Variants in NT5M observed in about 807,000 individuals in gnomAD.
NT5M encodes 5'(3')-deoxyribonucleotidase, mitochondrial.
NT5M carries 22 observed loss-of-function variants against 22.2 expected under a neutral mutation model. The ratio of observed to expected loss-of-function variants is 0.99; its 90% CI spans 0.71 to 1.41. The LOEUF (loss-of-function observed/expected upper bound fraction) is 1.41, where lower values mean the gene tolerates loss of function less well. Among genes scored for constraint, NT5M ranks in the 40% most tolerant of loss-of-function variants. The pLI is 0.00. For synonymous variants in NT5M, 167 were observed against 133.0 expected, an observed-to-expected ratio of 1.26 and a Z score of -1.76; for missense variants, 322 against 314.8, an observed-to-expected ratio of 1.02 and a Z score of -0.17.
chr17:17,336,202 C>G (rs2049507856), intron 3 of NT5M, among the ~76,000 whole-genome samples: 1 of 151,580 alleles, frequency 6.6e-6, no homozygotes, highest in Admixed American at 6.6e-5. Context: ...CAGGGTTTCA[C>G]CGTGTTAGCC....
intron 2 of NT5M, among the ~76,000 whole-genome samples, chr17:17,307,352 G>A (rs1597739709): frequency 1.3e-5 from 2 of 152,120 alleles, no homozygotes; most frequent in South Asian, 4.1e-4. Context: ...GGCCGGGCAC[G>A]GTGGCTCACG....
intron 3 of NT5M, chr17:17,333,593 G>A (rs2049432408): frequency 6.6e-6 from 1 of 152,050 alleles, no homozygotes; most frequent in Non-Finnish European, 1.5e-5. Context: ...TTACAGGTGA[G>A]TTTTCTCAAC....
intron 2 of NT5M, among the ~76,000 whole-genome samples, chr17:17,311,107 C>T (rs968696648): frequency 7.2e-5 from 11 of 152,190 alleles, no homozygotes; most frequent in African/African-American, 1.2e-4. Flanking sequence ...GAGGCCGAGG[C>T]GGGTGGATCA....
chr17:17,311,006 A>G (rs142326365), intron 2 of NT5M, among the ~76,000 whole-genome samples: 1,696 of 152,156 alleles, frequency 0.011, 33 homozygotes, highest in African/African-American at 0.039. Flanking sequence ...TAAAAATACA[A>G]AAAATACAAA....
Position 17,303,410 on chromosome 17 carries a change from T to C in NT5M, c.-141T>C, listed in dbSNP as rs1045607762. ...GTACTTGCGCGCCCGCACCCCGCGCTCCCCGCCCCGCTCCCCGTCCCGCGC... is the reference window on the plus strand; with the variant it reads ...GTACTTGCGCGCCCGCACCCCGCGCCCCCCGCCCCGCTCCCCGTCCCGCGC... On this transcript the variant is annotated 5_prime_UTR_variant, in exon 1 of 5. Transcript: ENST00000389022. 4 of 964,666 alleles carry C rather than the reference T, an allele frequency of 4.1e-6. No homozygotes were observed. Among genetic ancestry groups the C allele is most frequent in the Non-Finnish European group, 4.9e-6 (4 of 809,012 alleles). 59.8% of individuals were successfully genotyped at this position (964,666 alleles called of 1,614,324 possible). A position where few individuals can be genotyped will look rare whatever the true frequency, so the allele number is the denominator to read the frequency against.
At chr17:17,326,287 G>T (rs149287433) in intron 3 of NT5M, among the ~76,000 whole-genome samples, 57 of 152,328 alleles carry the variant, frequency 3.7e-4, no homozygotes, top group African/African-American at 1.3e-3. Context: ...CAGGTCTGAC[G>T]CTTGGCCAGC....
intron 2 of NT5M, among the ~76,000 whole-genome samples, chr17:17,311,211 G>A (rs1040920627): frequency 5.3e-5 from 8 of 151,934 alleles, no homozygotes; most frequent in Non-Finnish European, 7.4e-5. Flanking sequence ...GGTGGTGGGC[G>A]CCTGTAGTCC....
At chr17:17,308,583 C>T (rs576473155) in intron 2 of NT5M, among the ~76,000 whole-genome samples, 14 of 151,924 alleles carry the variant, frequency 9.2e-5, no homozygotes, top group South Asian at 8.3e-4. Context: ...CAGAGTGAAA[C>T]TCTGTCTCAA....
chr17:17,340,462 T>G (rs1005401015), intron 3 of NT5M, among the ~76,000 whole-genome samples: 2 of 151,258 alleles, frequency 1.3e-5, no homozygotes, highest in African/African-American at 4.8e-5. Flanking sequence ...TCTTTTGTAT[T>G]TTTTTTATTT....
At chr17:17,324,674 A>T (rs6502580) in intron 3 of NT5M, among the ~76,000 whole-genome samples, 101,616 of 150,748 alleles carry the variant, frequency 0.67, 34,381 homozygotes, top group East Asian at 0.79. Flanking sequence ...ATCCCTCATG[A>T]TTTTAGAGAG....
intron 3 of NT5M, among the ~76,000 whole-genome samples, chr17:17,324,866 C>T (rs986348827): frequency 7.2e-5 from 11 of 152,302 alleles, no homozygotes; most frequent in Non-Finnish European, 1.0e-4. Flanking sequence ...CCTTTTAACA[C>T]GCTAGGAGCA....
intron 2 of NT5M, among the ~76,000 whole-genome samples, chr17:17,319,727 G>T (rs1370963399): frequency 1.1e-5 from 1 of 90,704 alleles, no homozygotes; most frequent in Non-Finnish European, 2.9e-5. Context: ...AGGGAGGGAC[G>T]GGAGGGACAG....
chr17:17,324,038 A>AT (rs1182478948), intron 3 of NT5M, among the ~76,000 whole-genome samples: 1 of 151,462 alleles, frequency 6.6e-6, no homozygotes, highest in African/African-American at 2.4e-5. Context: ...CATCCAGGTA[A>AT]TTTTTTTTGT....
At position 17,309,825 on chromosome 17, in the gene NT5M, G is replaced by GTT. The variant is rs200027700; in HGVS notation, c.368+3186_368+3187dup. On this transcript the variant is annotated intron_variant, in intron 2 of 4. Transcript: ENST00000389022. ...TACGCCAAAAGTAAAAACTTTTGTG[G>GTT]TTTTTGTTTTTTTTTTTGAGACGGA... Among the ~76,000 whole-genome samples, 30 of 139,568 alleles carry GTT rather than the reference G, an allele frequency of 2.1e-4. 4 individuals carry two copies. The highest frequency in any genetic ancestry group is 3.1e-4 in the Non-Finnish European group (20 of 63,642). The allele number at this position is 139,568 out of a possible 152,430, so 91.6% of individuals were successfully genotyped here.
intron 3 of NT5M, among the ~76,000 whole-genome samples, chr17:17,324,507 A>AG (rs1246095990): frequency 6.6e-6 from 1 of 150,844 alleles, no homozygotes; most frequent in African/African-American, 2.4e-5. Context: ...AATTTAAAAA[A>AG]AAAAAAAGAA....
At chr17:17,339,765 T>C (rs1457164447) in intron 3 of NT5M, among the ~76,000 whole-genome samples, 2 of 152,198 alleles carry the variant, frequency 1.3e-5, no homozygotes, top group Non-Finnish European at 2.9e-5. Flanking sequence ...TCTGTTGATA[T>C]GATATATCAC....
At position 17,325,000 on chromosome 17, in the gene NT5M, G is replaced by C. The variant is rs2049235076; in HGVS notation, c.429+1755G>C. On this transcript the variant is annotated intron_variant, in intron 3 of 4. Coordinates refer to ENST00000389022, the MANE Select transcript of NT5M (RefSeq NM_020201.4). ...GATCCCAAAGTGAGTCCTGAGACCAGAGTCAGCATCCCTTGGAGACTCCTT... is the reference window on the plus strand; with the variant it reads ...GATCCCAAAGTGAGTCCTGAGACCACAGTCAGCATCCCTTGGAGACTCCTT... 2.6e-5 allele frequency among the ~76,000 whole-genome samples: 4 copies of C among 152,192 alleles called. No individual in the cohort carries two copies. In the South Asian group the frequency reaches 8.3e-4, roughly 32 times the overall value.
intron 3 of NT5M, among the ~76,000 whole-genome samples, chr17:17,338,900 G>A (rs1379448350): frequency 6.6e-6 from 1 of 151,540 alleles, no homozygotes; most frequent in Non-Finnish European, 1.5e-5. Context: ...CTAATTTTTT[G>A]TATTTTTTAG....
Position 17,328,452 on chromosome 17 carries a change from T to C in NT5M, c.429+5207T>C, listed in dbSNP as rs185695780. 7.9e-5 allele frequency among the ~76,000 whole-genome samples: 12 copies of C among 152,274 alleles called. No homozygotes were observed. In the East Asian group the frequency reaches 2.3e-3, roughly 29 times the overall value. Reference sequence around the variant, plus strand: ...CAAGCACCCCCTCACCCACCGTTTGTGCCCCTCCCAACCCTATGGACTGGT... The same window carrying C: ...CAAGCACCCCCTCACCCACCGTTTGCGCCCCTCCCAACCCTATGGACTGGT... On this transcript the variant is annotated intron_variant, in intron 3 of 4. Coordinates refer to ENST00000389022, the MANE Select transcript of NT5M (RefSeq NM_020201.4).
Sources: gnomAD v4.1 joint callset for allele counts (sites outside exome capture counted in the v4.1 genomes callset) on GRCh38, gnomAD v4.1.1 for gene constraint, MANE v1.5 for transcripts, NCBI Gene and HGNC (gene_info 2026-07-23, HGNC 2026-07-21) for gene names.